Variants in TPH2 observed in about 807,000 individuals in gnomAD.
The protein encoded by TPH2 is tryptophan 5-hydroxylase 2.
TPH2 carries 27 observed loss-of-function variants against 59.1 expected under a neutral mutation model. The ratio of observed to expected loss-of-function variants is 0.46; its 90% CI spans 0.34 to 0.63. The LOEUF (loss-of-function observed/expected upper bound fraction) is 0.63. Ranked by LOEUF, TPH2 falls within the 30% of genes least tolerant of loss-of-function variation. The pLI is 0.01. For missense variants in TPH2, 523 were observed against 588.3 expected (o/e 0.89, Z 1.15); for synonymous variants, 220 against 210.5 (o/e 1.05, Z -0.39).
chr12:71,976,988 G>C lies in TPH2; in HGVS notation c.806-1964G>C, dbSNP rs541361869. ...AGGGGCAGGAGGTGGAGTAAGTGGG[G>C]AGATATTGGTCAAAGAGTACAAAGT... is the stretch of plus-strand genomic sequence containing the variant. On this transcript the variant is annotated intron_variant, in intron 6 of 10. Coordinates refer to ENST00000333850, the MANE Select transcript of TPH2 (RefSeq NM_173353.4). Among the ~76,000 whole-genome samples the C allele has an allele frequency of 4.0e-3, 610 of 152,330 alleles. 5 individuals are homozygous for C. Among genetic ancestry groups the C allele is most frequent in the African/African-American group, 0.014 (580 of 41,574 alleles).
intron 8 of TPH2, among the ~76,000 whole-genome samples, chr12:72,005,906 G>C (rs1043926351): frequency 6.6e-6 from 1 of 151,948 alleles, no homozygotes. Context: ...ATCAATACTC[G>C]CCCCTTTCAT....
intron 5 of TPH2, among the ~76,000 whole-genome samples, chr12:71,970,891 T>C (rs1871954167): frequency 6.6e-6 from 1 of 152,214 alleles, no homozygotes; most frequent in Non-Finnish European, 1.5e-5. Flanking sequence ...GAATTTCTGT[T>C]TTTTTCTTCA....
intron 7 of TPH2, among the ~76,000 whole-genome samples, chr12:71,990,692 C>CATAAAATAAAATATAAA: frequency 6.6e-6 from 1 of 152,290 alleles, no homozygotes; most frequent in East Asian, 1.9e-4. Flanking sequence ...TCACCAAAGA[C>CATAAAATAAAATATAAA]ATAAAATATA....
Position 72,031,905 on chromosome 12 carries a change from C to A in TPH2, c.*210C>A. ...GATAACCACTCATTGTATGAAATAA[C>A]GTATTATGTTTAAACATCTTAAAAA... is the stretch of plus-strand genomic sequence containing the variant. On this transcript the variant is annotated 3_prime_UTR_variant, in exon 11 of 11. Transcript: ENST00000333850. 1 of 602,044 alleles carries A rather than the reference C, an allele frequency of 1.7e-6. No individual in the cohort carries two copies. Among genetic ancestry groups the A allele is most frequent in the Non-Finnish European group, 2.9e-6 (1 of 339,404 alleles). The allele number at this position is 602,044 out of a possible 1,614,324, so 37.3% of individuals were successfully genotyped here. A position where few individuals can be genotyped will look rare whatever the true frequency, so the allele number is the denominator to read the frequency against.
At chr12:71,951,445 C>T (rs577141414) in intron 5 of TPH2, among the ~76,000 whole-genome samples, 6 of 152,250 alleles carry the variant, frequency 3.9e-5, no homozygotes, top group African/African-American at 7.2e-5. Context: ...TAGATAGCTT[C>T]GTCACTCAGT....
intron 6 of TPH2, among the ~76,000 whole-genome samples, chr12:71,975,722 A>G (rs1005969845): frequency 1.3e-5 from 2 of 152,198 alleles, no homozygotes; most frequent in Non-Finnish European, 2.9e-5. Flanking sequence ...CTCTGATTTC[A>G]TTCTATGTTA....
In TPH2 at chr12:72,024,063, G is replaced by A. The variant is rs1472436812; in HGVS notation, c.1164+1569G>A. On this transcript the variant is annotated intron_variant, in intron 9 of 10. Coordinates refer to ENST00000333850, the MANE Select transcript of TPH2 (RefSeq NM_173353.4). ...CAGCCATCTAGGCTCTAGGATCTGAGCTCCTAACCACTAGGCTGCACTCCC... is the reference window on the plus strand; with the variant it reads ...CAGCCATCTAGGCTCTAGGATCTGAACTCCTAACCACTAGGCTGCACTCCC... Among the ~76,000 whole-genome samples, 7 of 152,304 alleles carry A rather than the reference G, an allele frequency of 4.6e-5. No homozygotes were observed. The East Asian group carries it at 1.2e-3, about 25-fold the overall frequency.
At chr12:71,947,365 C>A (rs981057302) in intron 4 of TPH2, among the ~76,000 whole-genome samples, 1 of 151,754 alleles carries the variant, frequency 6.6e-6, no homozygotes, top group African/African-American at 2.4e-5. Flanking sequence ...TTTAGCTGAG[C>A]ACTTTAGAGT....
At chr12:72,015,936 A>G (rs1227082068) in intron 8 of TPH2, among the ~76,000 whole-genome samples, 2 of 152,180 alleles carry the variant, frequency 1.3e-5, no homozygotes. Flanking sequence ...CATCCTGGAA[A>G]TATTTCAGTA....
rs9668942 is a variant in TPH2 at position 71,975,218 on chromosome 12, G to A, written c.805+2503G>A. On this transcript the variant is annotated intron_variant, in intron 6 of 10. Transcript: ENST00000333850. The stretch of plus-strand genomic sequence containing the variant: ...AAATTGGCTGGGCGTGGTGGTGGGC[G>A]CCTGCAGTCCTAGCTACTTGTGGGG... Among the ~76,000 whole-genome samples, 1,192 of 152,148 alleles carry A rather than the reference G, an allele frequency of 7.8e-3. 19 individuals are homozygous for A. The highest frequency in any genetic ancestry group is 0.027 in the African/African-American group (1,118 of 41,514).
chr12:71,990,661 G>A (rs1479595881), intron 7 of TPH2, among the ~76,000 whole-genome samples: 2 of 152,158 alleles, frequency 1.3e-5, no homozygotes, highest in African/African-American at 4.8e-5. Flanking sequence ...GAACAATATG[G>A]TGTTTATTTC....
At chr12:71,970,518 G>A (rs1428851108) in intron 5 of TPH2, among the ~76,000 whole-genome samples, 2 of 152,172 alleles carry the variant, frequency 1.3e-5, no homozygotes, top group African/African-American at 2.4e-5. Flanking sequence ...CTTCTCAAGT[G>A]GCTTCTCAAT....
intron 9 of TPH2, among the ~76,000 whole-genome samples, chr12:72,026,683 G>T (rs1006951185): frequency 2.0e-5 from 3 of 152,190 alleles, no homozygotes; most frequent in Non-Finnish European, 4.4e-5. Flanking sequence ...GTAAATGCTG[G>T]ACGTTGGGAG....
chr12:72,027,953 C>G (rs1417614698), intron 9 of TPH2, among the ~76,000 whole-genome samples: 1 of 152,148 alleles, frequency 6.6e-6, no homozygotes, highest in East Asian at 1.9e-4. Flanking sequence ...TGCAGCCCAA[C>G]ATGGGGTAGT....
chr12:71,954,134 C>T (rs1871429334), intron 5 of TPH2, among the ~76,000 whole-genome samples: 1 of 152,076 alleles, frequency 6.6e-6, no homozygotes, highest in African/African-American at 2.4e-5. Flanking sequence ...AAACAGCAGG[C>T]TCAAAGTCTG....
intron 5 of TPH2, among the ~76,000 whole-genome samples, chr12:71,968,198 C>A (rs565380331): frequency 6.6e-6 from 1 of 152,234 alleles, no homozygotes; most frequent in Admixed American, 6.5e-5. Flanking sequence ...CTGGGGGAGA[C>A]CACTCCCTCA....
chr12:71,997,751 G>A (rs1872728688), intron 8 of TPH2, among the ~76,000 whole-genome samples: 1 of 143,432 alleles, frequency 7.0e-6, no homozygotes, highest in African/African-American at 2.4e-5. Context: ...GGTACCATGA[G>A]GTAGGGACAG....
In TPH2 at chr12:71,938,948, T is replaced by C; in HGVS notation, c.-39T>C. The C allele has an allele frequency of 6.5e-7, 1 of 1,550,216 alleles. No individual in the cohort carries two copies. The highest frequency in any genetic ancestry group is 1.4e-5 in the African/African-American group (1 of 73,680). The stretch of plus-strand genomic sequence containing the variant: ...GCCAGCGCTGCTACTGCCCCTCTAG[T>C]ACCCCCTGCTGCAGAGAAAGAATAT... On this transcript the variant is annotated 5_prime_UTR_variant, in exon 1 of 11. Coordinates refer to ENST00000333850, the MANE Select transcript of TPH2 (RefSeq NM_173353.4).
chr12:71,958,188 T>A (rs1871566226), intron 5 of TPH2, among the ~76,000 whole-genome samples: 1 of 152,138 alleles, frequency 6.6e-6, no homozygotes, highest in Admixed American at 6.5e-5. Flanking sequence ...AGCAGTAAAT[T>A]GAAGAGCAGA....
Sources: allele counts gnomAD v4.1 joint callset (sites outside exome capture counted in the v4.1 genomes callset), GRCh38; gene constraint gnomAD v4.1.1; transcripts MANE v1.5; gene names NCBI Gene and HGNC (gene_info 2026-07-23, HGNC 2026-07-21).